XPO1: variants seen among roughly 807,000 people sequenced by gnomAD.
The protein encoded by XPO1 is exportin-1.
A neutral mutation model predicts 133.3 loss-of-function variants in XPO1; 5 were observed. That is an observed-to-expected ratio of 0.04 (90% CI 0.02 to 0.08). XPO1 has a LOEUF of 0.08. Ranked by LOEUF, XPO1 falls within the 10% of genes least tolerant of loss-of-function variation. The pLI is 1.00. For missense variants in XPO1, 506 were observed against 1,267.5 expected (o/e 0.40, Z 9.12); for synonymous variants, 419 against 408.2 (o/e 1.03, Z -0.32).
intron 4 of XPO1, among the ~76,000 whole-genome samples, chr2:61,509,574 C>T (rs553433550): frequency 5.1e-4 from 78 of 151,802 alleles, no homozygotes; most frequent in African/African-American, 1.8e-3. Context: ...TGCAGTGAGT[C>T]GAGATCATGC....
chr2:61,526,395 G>T (rs375240623), intron 3 of XPO1, 25 bp downstream of exon 3: 39 of 1,596,390 alleles, frequency 2.4e-5, no homozygotes, highest in Non-Finnish European at 3.1e-5. Flanking sequence ...AGAAATAACA[G>T]ATTTTAAAAC....
intron 4 of XPO1, among the ~76,000 whole-genome samples, chr2:61,518,417 A>AAC (rs200566050): frequency 0.083 from 10,232 of 123,994 alleles, 432 homozygotes; most frequent in African/African-American, 0.11. Context: ...CAAAAAACAA[A>AAC]ACACACACAC....
intron 19 of XPO1, among the ~76,000 whole-genome samples, chr2:61,487,167 AC>A (rs1696736247): frequency 6.6e-6 from 1 of 152,106 alleles, no homozygotes; most frequent in Admixed American, 6.6e-5. Context: ...GGCATGAGCC[AC>A]CGTGAAAAGC....
chr2:61,478,996 G>C (rs762415919), intron 24 of XPO1, 30 bp from the exon 25 acceptor site: 14 of 1,594,022 alleles, frequency 8.8e-6, no homozygotes, highest in South Asian at 1.1e-5. Flanking sequence ...AAATGTCAAC[G>C]CAATAAACTT....
chr2:61,479,080 A>G, intron 24 of XPO1, 114 bp from the exon 25 acceptor site: 1 of 1,274,540 alleles, frequency 7.8e-7, no homozygotes, highest in Non-Finnish European at 1.1e-6. Flanking sequence ...TTATCCATAA[A>G]GTGGCTGGGT....
chr2:61,519,876 A>G (rs781530198), intron 4 of XPO1, among the ~76,000 whole-genome samples: 1 of 152,066 alleles, frequency 6.6e-6, no homozygotes, highest in Admixed American at 6.6e-5. Context: ...TTTCTTTCCA[A>G]TTATGTGAAT....
intron 22 of XPO1, 125 bp from the exon 23 acceptor site, chr2:61,482,664 G>T: frequency 1.0e-6 from 1 of 969,014 alleles, no homozygotes; most frequent in Non-Finnish European, 1.5e-6. Context: ...GGAATGCCGT[G>T]GCGCAATCTT....
intron 12 of XPO1, 139 bp downstream of exon 12, chr2:61,493,755 C>T: frequency 1.1e-6 from 1 of 875,020 alleles, no homozygotes; most frequent in Non-Finnish European, 1.8e-6. Flanking sequence ...CTTTCATGTT[C>T]TAGTTTTCCA....
chr2:61,516,555 C>A (rs571798283), intron 4 of XPO1, among the ~76,000 whole-genome samples: 3 of 151,754 alleles, frequency 2.0e-5, no homozygotes, highest in African/African-American at 7.2e-5. Context: ...GCTGGGATTA[C>A]AGGCATGCGC....
intron 4 of XPO1, among the ~76,000 whole-genome samples, chr2:61,513,118 G>T (rs568206372): frequency 2.3e-4 from 35 of 152,226 alleles, no homozygotes; most frequent in Admixed American, 1.4e-3. Context: ...GCAGTGGCAT[G>T]ATCTCGGCTC....
At chr2:61,495,868 T>C (rs1325556379) in intron 10 of XPO1, among the ~76,000 whole-genome samples, 1 of 152,032 alleles carries the variant, frequency 6.6e-6, no homozygotes, top group Admixed American at 6.6e-5. Flanking sequence ...CGGTATCTTG[T>C]TATGTTGTCC....
At chr2:61,485,686 A>T (rs899332366) in intron 20 of XPO1, 82 bp downstream of exon 20, 73 of 1,123,884 alleles carry the variant, frequency 6.5e-5, no homozygotes, top group Non-Finnish European at 8.2e-5. Context: ...AAATTATGTT[A>T]TATCCACAGA....
Position 61,492,888 on chromosome 2 carries a change from A to G in XPO1, c.1384+27T>C, listed in dbSNP as rs372194177. ...CACCCCAGAATAGATTTATAAAGGT[A>G]AAGATTAACAGTATTTATTAACTTA... On this transcript the variant is annotated intron_variant, in intron 13 of 24. Transcript: ENST00000401558. This position sits in a 1 kb window ranked among gnomAD's most constrained non-coding sequence, Gnocchi z 5.6. 47 of 1,578,252 alleles carry G rather than the reference A, an allele frequency of 3.0e-5. No homozygotes were observed. In the African/African-American group the frequency reaches 6.0e-4, roughly 20 times the overall value.
At chr2:61,521,851 C>G (rs1442795476) in intron 4 of XPO1, among the ~76,000 whole-genome samples, 1 of 150,638 alleles carries the variant, frequency 6.6e-6, no homozygotes, top group Admixed American at 6.6e-5. Context: ...AACCTCTTGG[C>G]TCAAGGGATC....
At chr2:61,512,980 C>T (rs986441274) in intron 4 of XPO1, among the ~76,000 whole-genome samples, 1 of 152,150 alleles carries the variant, frequency 6.6e-6, no homozygotes, top group African/African-American at 2.4e-5. Flanking sequence ...GGCCAGGAGA[C>T]AGAGCATGAC....
chr2:61,496,430 G>C (rs773754500), intron 10 of XPO1, among the ~76,000 whole-genome samples: 1 of 152,112 alleles, frequency 6.6e-6, no homozygotes, highest in East Asian at 1.9e-4. Context: ...GGCTGGTCTC[G>C]AACTCCTGGC....
At position 61,478,712 on chromosome 2, in the gene XPO1, G is replaced by A; in HGVS notation, c.*108C>T. 8.6e-7 allele frequency: 1 copy of A among 1,165,874 alleles called. No homozygotes were observed. The highest frequency in any genetic ancestry group is 2.6e-5 in the East Asian group (1 of 38,872). The allele number at this position is 1,165,874 out of a possible 1,614,324, so 72.2% of individuals were successfully genotyped here. A position where few individuals can be genotyped will look rare whatever the true frequency, so the allele number is the denominator to read the frequency against. On this transcript the variant is annotated 3_prime_UTR_variant, in exon 25 of 25. Transcript: ENST00000401558. ...AAACACATAAGAAAAAGGGCCACTA[G>A]GTGACATTTTAATTTACAAATTGGC...
intron 24 of XPO1, among the ~76,000 whole-genome samples, chr2:61,480,148 A>G (rs895573089): frequency 2.0e-5 from 3 of 152,078 alleles, no homozygotes; most frequent in Non-Finnish European, 4.4e-5. Flanking sequence ...TACAGGTGTG[A>G]GCCACTGTGC....
At chr2:61,509,862 G>A (rs1698003522) in intron 4 of XPO1, among the ~76,000 whole-genome samples, 1 of 152,148 alleles carries the variant, frequency 6.6e-6, no homozygotes, top group African/African-American at 2.4e-5. Flanking sequence ...GTTCAATCTA[G>A]TTTCGAATCA....
Sources: allele counts gnomAD v4.1 joint callset (sites outside exome capture counted in the v4.1 genomes callset), GRCh38; gene constraint gnomAD v4.1.1; non-coding constraint Gnocchi (gnomAD v3.1); transcripts MANE v1.5; gene names NCBI Gene and HGNC (gene_info 2026-07-23, HGNC 2026-07-21).